KIF25: variants seen among roughly 807,000 people sequenced by gnomAD.
KIF25 encodes the protein kinesin family member 25, also known as kinesin-like protein KIF25.
Under a neutral mutation model 32.9 loss-of-function variants are expected in KIF25, and 19 were observed. The observed-to-expected ratio is 0.58, with a 90% CI of 0.40 to 0.85. The LOEUF (loss-of-function observed/expected upper bound fraction) is 0.85. Ranked by LOEUF, KIF25 falls within the 40% of genes least tolerant of loss-of-function variation. The probability of loss-of-function intolerance (pLI) is 0.00; values close to 1 mark genes in which losing one functional copy is unlikely to be tolerated. For synonymous variants in KIF25, 225 were observed against 213.7 expected (o/e 1.05, Z -0.46); for missense variants, 485 against 507.0 (o/e 0.96, Z 0.42).
chr6:168,039,982 C>T, intron 9 of KIF25, 83 bp from the exon 10 acceptor site: 1 of 1,483,272 alleles, frequency 6.7e-7, no homozygotes, highest in Non-Finnish European at 9.0e-7. Flanking sequence ...TGAGAGGCTT[C>T]CCTGAGCCGA....
intron 12 of KIF25, 81 bp downstream of exon 12, chr6:168,042,797 C>T (rs948058037): frequency 2.7e-6 from 4 of 1,483,698 alleles, no homozygotes; most frequent in Non-Finnish European, 3.6e-6. Context: ...CCTGCACGTC[C>T]TCGAGGGCCA....
intron 5 of KIF25, among the ~76,000 whole-genome samples, chr6:168,029,140 G>C (rs1201723469): frequency 1.3e-5 from 2 of 152,190 alleles, no homozygotes; most frequent in African/African-American, 2.4e-5. Context: ...CAGGTAAAGA[G>C]TATTGCAGGT....
chr6:168,007,503 G>A (rs1798594708), intron 4 of KIF25, among the ~76,000 whole-genome samples: 1 of 152,204 alleles, frequency 6.6e-6, no homozygotes. Flanking sequence ...CTAAAGAGTA[G>A]AAAGGGGGAT....
chr6:168,013,402 G>A (rs903966694), intron 4 of KIF25, among the ~76,000 whole-genome samples: 3 of 152,050 alleles, frequency 2.0e-5, no homozygotes, highest in African/African-American at 4.8e-5. Flanking sequence ...TCAGCCACCC[G>A]TGTAGGCTTG....
intron 7 of KIF25, 147 bp downstream of exon 7, chr6:168,030,994 T>A: frequency 1.7e-6 from 1 of 580,818 alleles, no homozygotes; most frequent in Non-Finnish European, 3.0e-6. Context: ...CAGCATGGAC[T>A]CCACTTGCAT....
At chr6:168,022,336 A>G (rs1241208323) in intron 5 of KIF25, among the ~76,000 whole-genome samples, 4 of 152,144 alleles carry the variant, frequency 2.6e-5, no homozygotes, top group African/African-American at 9.7e-5. Context: ...CTTGTAAATT[A>G]TTTGGCTCAT....
Position 168,038,675 on chromosome 6 carries a change from G to C in KIF25, c.440G>C (p.Arg147Pro). Residue 147 changes from arginine to proline, a missense_variant, in exon 9 of 13, where the codon CGT becomes CCT. Physicochemically the swap from Arg to Pro is moderately radical, Grantham distance 103. Coordinates refer to ENST00000643607, the MANE Select transcript of KIF25 (RefSeq NM_030615.4). ...DSIAAVSGVK[R>P]EVVTAKDGRT... The stretch of plus-strand genomic sequence containing the variant: ...ATTGCAGCAGTGTCGGGGGTCAAGC[G>C]TGAGGTGGTGACAGCCAAGGATGGA... 1 of 1,614,140 alleles carries C rather than the reference G, an allele frequency of 6.2e-7. No individual in the cohort carries two copies. Among genetic ancestry groups the C allele is most frequent in the Non-Finnish European group, 8.5e-7 (1 of 1,180,016 alleles).
intron 3 of KIF25, among the ~76,000 whole-genome samples, chr6:168,003,121 T>C (rs1010874306): frequency 2.0e-5 from 3 of 152,172 alleles, no homozygotes; most frequent in Admixed American, 6.6e-5. Context: ...TTGGGACCCT[T>C]GTTCTGTATC....
At chr6:168,011,025 T>C (rs1336980066) in intron 4 of KIF25, among the ~76,000 whole-genome samples, 1 of 152,192 alleles carries the variant, frequency 6.6e-6, no homozygotes, top group East Asian at 1.9e-4. Context: ...GTGAGTTTCT[T>C]GTAGACAGCA....
intron 12 of KIF25, among the ~76,000 whole-genome samples, chr6:168,043,400 CCA>C (rs891467193): frequency 6.6e-6 from 1 of 152,152 alleles, no homozygotes; most frequent in African/African-American, 2.4e-5. Context: ...CACATGGCCA[CCA>C]CAGTCGGGGG....
At position 167,997,720 on chromosome 6, in the gene KIF25, T is replaced by G. The variant is rs1192420760; in HGVS notation, c.-1749T>G. Among the ~76,000 whole-genome samples the G allele has an allele frequency of 6.6e-6, 1 of 152,034 alleles. No homozygotes were observed. The highest frequency in any genetic ancestry group is 1.5e-5 in the Non-Finnish European group (1 of 68,014). Reference sequence around the variant, plus strand: ...TATGAGACCTGAGATCCCATGAAATTTAATGTAAAGTCTCAGGGTTTGATT... The same window carrying G: ...TATGAGACCTGAGATCCCATGAAATGTAATGTAAAGTCTCAGGGTTTGATT... On this transcript the variant is annotated 5_prime_UTR_variant, in exon 1 of 13. In the 5' UTR this introduces an upstream ATG that the reference lacks. Transcript: ENST00000643607.
chr6:168,011,686 C>T (rs1489810089), intron 4 of KIF25, among the ~76,000 whole-genome samples: 1 of 152,182 alleles, frequency 6.6e-6, no homozygotes, highest in Non-Finnish European at 1.5e-5. Flanking sequence ...CCTGGGGGTT[C>T]TTTGAGCTTC....
At chr6:168,033,442 A>G (rs145050874) in intron 7 of KIF25, among the ~76,000 whole-genome samples, 22 of 151,454 alleles carry the variant, frequency 1.5e-4, no homozygotes, top group African/African-American at 4.9e-4. Flanking sequence ...AGAGGTTGCA[A>G]TGAGCCAAAA....
chr6:168,025,854 C>T (rs760118167), intron 5 of KIF25, among the ~76,000 whole-genome samples: 2 of 152,208 alleles, frequency 1.3e-5, no homozygotes, highest in East Asian at 1.9e-4. Flanking sequence ...CGGTCATCAC[C>T]GCAAAGCAGC....
Position 168,027,524 on chromosome 6 carries a change from A to G in KIF25, c.-94-1968A>G, listed in dbSNP as rs142072186. Among the ~76,000 whole-genome samples, 36 of 151,728 alleles carry G rather than the reference A, an allele frequency of 2.4e-4. 1 individual carries two copies. The East Asian group carries it at 3.9e-3, about 16-fold the overall frequency. On this transcript the variant is annotated intron_variant, in intron 5 of 12. Coordinates refer to ENST00000643607, the MANE Select transcript of KIF25 (RefSeq NM_030615.4). Reference sequence around the variant, plus strand: ...AAAGGAGATTCCAGGTTGGGGGGAAAATGGTCAAAGTTATGAAGAAAAAGA... The same window carrying G: ...AAAGGAGATTCCAGGTTGGGGGGAAGATGGTCAAAGTTATGAAGAAAAAGA...
At chr6:168,012,896 C>T (rs1299114792) in intron 4 of KIF25, among the ~76,000 whole-genome samples, 1 of 152,024 alleles carries the variant, frequency 6.6e-6, no homozygotes, top group Non-Finnish European at 1.5e-5. Context: ...CCAGGGGTGA[C>T]CTGTGTGGCT....
rs754299875 is a variant in KIF25 at position 168,030,831 on chromosome 6, A to C, written c.151A>C (p.Thr51Pro). ...CTTTGGAGATGTGTGCCCCCTACTC[A>C]CTTCTCTCTTGGATGGGTGAGTTAA... is the stretch of plus-strand genomic sequence containing the variant. The part of the protein sequence containing the change: ...AVFGDVCPLL[T>P]SLLDGYNVCV... Residue 51 changes from threonine to proline, a missense_variant, in exon 7 of 13, where the codon ACT becomes CCT. By Grantham distance (38) the Thr-to-Pro change is conservative. Transcript: ENST00000643607. 6.2e-7 allele frequency: 1 copy of C among 1,612,724 alleles called. No homozygotes were observed. The highest frequency in any genetic ancestry group is 1.1e-5 in the South Asian group (1 of 90,888).
chr6:167,999,715 C>T (rs1303592227), intron 2 of KIF25, among the ~76,000 whole-genome samples: 2 of 152,182 alleles, frequency 1.3e-5, no homozygotes, highest in East Asian at 3.9e-4. Flanking sequence ...CCACCCACTC[C>T]GCCATGCAGG....
chr6:168,044,544 C>A (rs114442104), intron 12 of KIF25, among the ~76,000 whole-genome samples: 2 of 123,166 alleles, frequency 1.6e-5, no homozygotes, highest in African/African-American at 5.8e-5. Context: ...CCTCCCTGAC[C>A]GGGGTGAGGG....
Sources: allele counts gnomAD v4.1 joint callset (sites outside exome capture counted in the v4.1 genomes callset), GRCh38; gene constraint gnomAD v4.1.1; transcripts MANE v1.5; gene names NCBI Gene and HGNC (gene_info 2026-07-23, HGNC 2026-07-21).